TRIM13: variants seen among roughly 807,000 people sequenced by gnomAD.
TRIM13 encodes E3 ubiquitin-protein ligase TRIM13.
In TRIM13, 15 loss-of-function variants were observed where a neutral mutation model predicts 27.1. The observed-to-expected ratio is 0.55, with a 90% CI of 0.37 to 0.85. The LOEUF (loss-of-function observed/expected upper bound fraction) is 0.85, where lower values mean the gene tolerates loss of function less well. Among genes scored for constraint, TRIM13 ranks in the 40% least tolerant of loss-of-function variants. The pLI is 0.00. For missense variants in TRIM13, 402 were observed against 472.2 expected (o/e 0.85, Z 1.38); for synonymous variants, 193 against 171.5 (o/e 1.13, Z -0.98).
At chr13:50,010,037 AATCT>A (rs1290509587) in intron 1 of TRIM13, among the ~76,000 whole-genome samples, 1 of 148,256 alleles carries the variant, frequency 6.7e-6, no homozygotes, top group Non-Finnish European at 1.5e-5. Context: ...CAGGTAATTT[AATCT>A]TTTTTTTTTT....
Position 50,016,303 on chromosome 13 carries a change from C to A in TRIM13, c.*3139C>A. On this transcript the variant is annotated 3_prime_UTR_variant, in exon 2 of 2. Coordinates refer to ENST00000378182, the MANE Select transcript of TRIM13 (RefSeq NM_213590.3). The stretch of plus-strand genomic sequence containing the variant: ...GGACAAAAGGAATAAATGAAGACTG[C>A]CCAGAAAAAACTGAGACTATGGACA... 1 of 436,128 alleles carries A rather than the reference C, an allele frequency of 2.3e-6. No homozygotes were observed. Among genetic ancestry groups the A allele is most frequent in the Non-Finnish European group, 4.2e-6 (1 of 237,066 alleles). 27.0% of individuals were successfully genotyped at this position (436,128 alleles called of 1,614,324 possible). A position where few individuals can be genotyped will look rare whatever the true frequency, so the allele number is the denominator to read the frequency against.
intron 1 of TRIM13, among the ~76,000 whole-genome samples, chr13:50,002,785 C>A (rs1874209427): frequency 6.6e-6 from 1 of 152,046 alleles, no homozygotes; most frequent in Non-Finnish European, 1.5e-5. Context: ...GCCTCAGCCT[C>A]CCGAGTAGCT....
At chr13:50,001,905 A>G (rs1365118260) in intron 1 of TRIM13, among the ~76,000 whole-genome samples, 4 of 152,212 alleles carry the variant, frequency 2.6e-5, no homozygotes, top group Admixed American at 6.5e-5. Flanking sequence ...GATACAGAGT[A>G]TTTAAAATAA....
chr13:50,015,396 C>G lies in TRIM13; in HGVS notation c.*2232C>G, dbSNP rs1876408299. 1 of 876,566 alleles carries G rather than the reference C, an allele frequency of 1.1e-6. No individual in the cohort carries two copies. The highest frequency in any genetic ancestry group is 2.4e-5 in the East Asian group (1 of 41,092). 54.3% of individuals were successfully genotyped at this position (876,566 alleles called of 1,614,324 possible). A position where few individuals can be genotyped will look rare whatever the true frequency, so the allele number is the denominator to read the frequency against. On this transcript the variant is annotated 3_prime_UTR_variant, in exon 2 of 2. Coordinates refer to ENST00000378182, the MANE Select transcript of TRIM13 (RefSeq NM_213590.3). ...CTGGTTTTTGTTATTCTTCCCTCCC[C>G]TCCACTGCATAATCATGTATAACTA...
rs375169401 is a variant in TRIM13 at position 50,015,767 on chromosome 13, C to T, written c.*2603C>T. On this transcript the variant is annotated 3_prime_UTR_variant, in exon 2 of 2. Transcript: ENST00000378182. ...GAGAGAGGCTCTTTTCTATGAACTT[C>T]GTTCTCTAGTTGATCTCTTAAACCC... 7 of 1,613,966 alleles carry T rather than the reference C, an allele frequency of 4.3e-6. No homozygotes were observed. Among genetic ancestry groups the T allele is most frequent in the East Asian group, 2.2e-5 (1 of 44,880 alleles).
In TRIM13 at chr13:49,997,046, C is replaced by G. The variant is rs955803569; in HGVS notation, c.-724C>G. 5.1e-5 allele frequency: 6 copies of G among 117,134 alleles called. No homozygotes were observed. The highest frequency in any genetic ancestry group is 3.0e-4 in the South Asian group (1 of 3,330). 7.3% of individuals were successfully genotyped at this position (117,134 alleles called of 1,614,324 possible). On this transcript the variant is annotated 5_prime_UTR_variant, in exon 1 of 2. Transcript: ENST00000378182. ...GGCGGAGCTAGCCGGAGCCGCGAGT[C>G]CATTTTGGGGCTGTGCTTGGCGCGT...
chr13:49,999,792 T>A (rs1026017402), intron 1 of TRIM13, among the ~76,000 whole-genome samples: 1 of 152,212 alleles, frequency 6.6e-6, no homozygotes, highest in Middle Eastern at 3.2e-3. Context: ...TTGTAAAAAC[T>A]GCAAAATTTT....
In TRIM13 at chr13:50,012,186, T is replaced by C; in HGVS notation, c.246T>C (p.Tyr82=). Residue 82 remains tyrosine (Y), a synonymous_variant, in exon 2 of 2, where the codon TAT becomes TAC. Transcript: ENST00000378182. ...NYSLKGIVEK[Y]NKIKISPKMP... is the part of the protein sequence containing the mutation. ...CCCTGAAGGGTATTGTGGAAAAGTA[T>C]AACAAGATCAAGATCTCTCCCAAAA... 1 of 1,614,122 alleles carries C rather than the reference T, an allele frequency of 6.2e-7. No individual in the cohort carries two copies. The highest frequency in any genetic ancestry group is 1.3e-5 in the African/African-American group (1 of 75,040).
intron 1 of TRIM13, among the ~76,000 whole-genome samples, chr13:50,009,020 C>CAAAA (rs35407149): frequency 3.4e-4 from 23 of 68,020 alleles, no homozygotes; most frequent in African/African-American, 1.1e-3. Flanking sequence ...AAAGCTGTCT[C>CAAAA]AAAAAAAAAA....
At chr13:50,010,158 C>T (rs1594580006) in intron 1 of TRIM13, among the ~76,000 whole-genome samples, 1 of 149,984 alleles carries the variant, frequency 6.7e-6, no homozygotes, top group Admixed American at 6.7e-5. Flanking sequence ...AAGGGATTCT[C>T]ATACCTCAGC....
intron 1 of TRIM13, among the ~76,000 whole-genome samples, chr13:50,002,662 C>CT (rs1175687428): frequency 6.6e-4 from 95 of 144,608 alleles, no homozygotes; most frequent in Middle Eastern, 3.6e-3. Flanking sequence ...ATGGATCTCT[C>CT]TTTTTTTTTT....
intron 1 of TRIM13, among the ~76,000 whole-genome samples, chr13:50,000,139 T>C (rs895089821): frequency 8.5e-5 from 13 of 152,172 alleles, no homozygotes; most frequent in Non-Finnish European, 1.9e-4. Flanking sequence ...GCCTTAAACT[T>C]TTATATTTTA....
In TRIM13 at chr13:50,012,412, CTT is replaced by C; in HGVS notation, c.474_475del (p.Arg160LeufsTer7). The C allele has an allele frequency of 1.9e-6, 3 of 1,614,052 alleles. No homozygotes were observed. Among genetic ancestry groups the C allele is most frequent in the Non-Finnish European group, 2.5e-6 (3 of 1,179,986 alleles). On this transcript the variant is annotated frameshift_variant, in exon 2 of 2. Coordinates refer to ENST00000378182, the MANE Select transcript of TRIM13 (RefSeq NM_213590.3). LOFTEE classifies it high-confidence loss of function. ...TGAGACCTGGCGTCGGGGAGATGCT[CTT>C]TCTCGCTTGGATACCTTGGAAACTA... is the stretch of plus-strand genomic sequence containing the variant. Reference protein sequence around the residue: ...SFETWRRGDALSRLDTLETSK... With the variant: ...SFETWRRGDAXSRLDTLETSK...
intron 1 of TRIM13, among the ~76,000 whole-genome samples, chr13:50,008,019 C>T (rs991060312): frequency 5.3e-5 from 8 of 151,868 alleles, no homozygotes; most frequent in Non-Finnish European, 1.2e-4. Flanking sequence ...ATTCTCCTGC[C>T]TCAGCCTCCC....
rs1876144738 is a variant in TRIM13, at chr13:50,014,588, T to C, written c.*1424T>C. The stretch of plus-strand genomic sequence containing the variant: ...AACAGATAAAACAGTCTGTCAGCTA[T>C]TACAAAGTAATCAGCTGAACACTAA... On this transcript the variant is annotated 3_prime_UTR_variant, in exon 2 of 2. Transcript: ENST00000378182. 6.0e-6 allele frequency: 1 copy of C among 166,664 alleles called. No homozygotes were observed. Among genetic ancestry groups the C allele is most frequent in the African/African-American group, 2.4e-5 (1 of 41,314 alleles). The allele number at this position is 166,664 out of a possible 1,614,324, so 10.3% of individuals were successfully genotyped here. A position where few individuals can be genotyped will look rare whatever the true frequency, so the allele number is the denominator to read the frequency against.
chr13:50,003,916 C>T (rs1874354293), intron 1 of TRIM13, among the ~76,000 whole-genome samples: 1 of 152,260 alleles, frequency 6.6e-6, no homozygotes, highest in South Asian at 2.1e-4. Context: ...GTGTCTACTA[C>T]CACCTTTCTG....
chr13:50,002,250 G>A (rs1221703336), intron 1 of TRIM13, among the ~76,000 whole-genome samples: 2 of 152,032 alleles, frequency 1.3e-5, no homozygotes, highest in African/African-American at 4.8e-5. Flanking sequence ...TGAGCCTGAC[G>A]TGGTGGCAGG....
At chr13:50,008,980 A>G (rs948090898) in intron 1 of TRIM13, among the ~76,000 whole-genome samples, 1 of 136,398 alleles carries the variant, frequency 7.3e-6, no homozygotes, top group African/African-American at 2.7e-5. Context: ...GGGGACTGAG[A>G]TTGCACTGCT....
chr13:49,999,463 C>A (rs1873753547), intron 1 of TRIM13, among the ~76,000 whole-genome samples: 1 of 152,084 alleles, frequency 6.6e-6, no homozygotes, highest in African/African-American at 2.4e-5. Flanking sequence ...GTCCTGAATT[C>A]TTTCTTGGCT....
Sources: allele counts gnomAD v4.1 joint callset (sites outside exome capture counted in the v4.1 genomes callset), GRCh38; gene constraint gnomAD v4.1.1; transcripts MANE v1.5; gene names NCBI Gene and HGNC (gene_info 2026-07-23, HGNC 2026-07-21).